Variants in SPATA17 observed in about 807,000 individuals in gnomAD.
The protein encoded by SPATA17 is spermatogenesis-associated protein 17.
A neutral mutation model predicts 62.2 loss-of-function variants in SPATA17; 53 were observed. That is an observed-to-expected ratio of 0.85 (90% CI 0.68 to 1.07). The LOEUF is 1.07. Among genes scored for constraint, SPATA17 ranks in the 50% least tolerant of loss-of-function variants. SPATA17 has a pLI of 0.00. For synonymous variants in SPATA17, 146 were observed against 146.8 expected (o/e 0.99, Z 0.04); for missense variants, 466 against 425.5 (o/e 1.10, Z -0.84).
At chr1:217,851,270 CA>C (rs553527604) in intron 9 of SPATA17, among the ~76,000 whole-genome samples, 1 of 151,346 alleles carries the variant, frequency 6.6e-6, no homozygotes, top group Non-Finnish European at 1.5e-5. Flanking sequence ...CCTATAATTA[CA>C]AAAAAAAGTT....
chr1:217,773,529 C>G (rs1673507658), intron 6 of SPATA17, among the ~76,000 whole-genome samples: 3 of 152,016 alleles, frequency 2.0e-5, no homozygotes, highest in African/African-American at 7.2e-5. Flanking sequence ...TTTGTATATT[C>G]AAACAACATT....
chr1:217,632,816 G>A (rs1229608234), intron 1 of SPATA17, among the ~76,000 whole-genome samples: 1 of 152,182 alleles, frequency 6.6e-6, no homozygotes, highest in Non-Finnish European at 1.5e-5. Context: ...TATGTGGCAG[G>A]TGCTGTATTT....
intron 9 of SPATA17, among the ~76,000 whole-genome samples, chr1:217,854,453 A>G (rs1248615064): frequency 2.0e-5 from 3 of 152,144 alleles, no homozygotes; most frequent in Non-Finnish European, 4.4e-5. Context: ...CTCTCAAAAT[A>G]GGGTCACTCT....
chr1:217,830,039 T>C lies in SPATA17; in HGVS notation c.1005+28189T>C, dbSNP rs549459151. 3.9e-5 allele frequency among the ~76,000 whole-genome samples: 6 copies of C among 152,202 alleles called. No individual in the cohort carries two copies. In the East Asian group the frequency reaches 1.2e-3, roughly 29 times the overall value. The stretch of plus-strand genomic sequence containing the variant: ...CTAAACTAATGTTGTAAACCTCAAA[T>C]ATACACAATAAAATTTATTCAAAAA... On this transcript the variant is annotated intron_variant, in intron 9 of 10. Transcript: ENST00000366933.
intron 5 of SPATA17, among the ~76,000 whole-genome samples, chr1:217,705,430 CTTTTTTTTTTTTTTTTTT>C (rs58138326): frequency 2.1e-5 from 1 of 46,606 alleles, no homozygotes; most frequent in Non-Finnish European, 3.6e-5. Context: ...TTCTAGTTGT[CTTTTTTTTTTTTTTTTTT>C]TTTTTTTTTT....
intron 9 of SPATA17, among the ~76,000 whole-genome samples, chr1:217,845,734 T>C (rs1675509623): frequency 6.6e-6 from 1 of 152,128 alleles, no homozygotes; most frequent in South Asian, 2.1e-4. Flanking sequence ...AGCAGTTTAC[T>C]TAGACTAAGA....
chr1:217,728,087 A>T (rs1022041626), intron 5 of SPATA17, among the ~76,000 whole-genome samples: 1 of 152,202 alleles, frequency 6.6e-6, no homozygotes, highest in Non-Finnish European at 1.5e-5. Flanking sequence ...AATTCAACTT[A>T]TAAGAAATAA....
At chr1:217,840,020 T>A (rs775877591) in intron 9 of SPATA17, among the ~76,000 whole-genome samples, 2 of 152,000 alleles carry the variant, frequency 1.3e-5, no homozygotes, top group African/African-American at 2.4e-5. Flanking sequence ...AAAAAAGGAA[T>A]CAGTCATTTT....
intron 7 of SPATA17, 95 bp downstream of exon 7, chr1:217,774,632 A>G (rs769804212): frequency 1.6e-5 from 16 of 1,030,160 alleles, no homozygotes; most frequent in Non-Finnish European, 2.3e-5. Context: ...ACCATTTTTA[A>G]TTATATAGTT....
At chr1:217,736,884 G>GGCCAC (rs1672519360) in intron 5 of SPATA17, among the ~76,000 whole-genome samples, 1 of 152,164 alleles carries the variant, frequency 6.6e-6, no homozygotes, top group Non-Finnish European at 1.5e-5. Flanking sequence ...TGTATTTCAT[G>GGCCAC]GCCACACAGA....
intron 9 of SPATA17, among the ~76,000 whole-genome samples, chr1:217,844,162 G>A (rs138179071): frequency 0.014 from 2,165 of 152,142 alleles, 117 homozygotes; most frequent in Admixed American, 0.11. Context: ...GCCTCAAATC[G>A]TACATAGTGA....
chr1:217,772,352 G>A (rs1242810293), intron 6 of SPATA17, among the ~76,000 whole-genome samples: 1 of 151,960 alleles, frequency 6.6e-6, no homozygotes, highest in African/African-American at 2.4e-5. Flanking sequence ...AATTGTAATA[G>A]AGAATAAATC....
intron 8 of SPATA17, among the ~76,000 whole-genome samples, chr1:217,791,321 T>A (rs957787927): frequency 6.6e-6 from 1 of 152,170 alleles, no homozygotes; most frequent in African/African-American, 2.4e-5. Flanking sequence ...CCAGTGGAAA[T>A]TTACAAAGTG....
At chr1:217,650,223 GC>G (rs1670279135) in intron 2 of SPATA17, among the ~76,000 whole-genome samples, 2 of 152,056 alleles carry the variant, frequency 1.3e-5, no homozygotes, top group Non-Finnish European at 2.9e-5. Context: ...ACAGGCATGA[GC>G]CACGGCGCCT....
intron 9 of SPATA17, among the ~76,000 whole-genome samples, chr1:217,855,897 T>G (rs981790887): frequency 6.6e-6 from 1 of 151,894 alleles, no homozygotes; most frequent in African/African-American, 2.4e-5. Context: ...CAGCTAATTT[T>G]TGTATTTTTA....
rs933840279 is a variant in SPATA17, at chr1:217,655,781, G to C, written c.240+4603G>C. Among the ~76,000 whole-genome samples, 19 of 151,946 alleles carry C rather than the reference G, an allele frequency of 1.3e-4. 1 individual carries two copies. Among genetic ancestry groups the C allele is most frequent in the Admixed American group, 3.9e-4 (6 of 15,254 alleles). ...TGGTTTGGTGCTCAAATAGTCCTTCGTTTTCTCACTAGGAGCTTCTTCAAA... is the reference window on the plus strand; with the variant it reads ...TGGTTTGGTGCTCAAATAGTCCTTCCTTTTCTCACTAGGAGCTTCTTCAAA... On this transcript the variant is annotated intron_variant, in intron 3 of 10. Coordinates refer to ENST00000366933, the MANE Select transcript of SPATA17 (RefSeq NM_138796.4).
intron 8 of SPATA17, among the ~76,000 whole-genome samples, chr1:217,793,747 A>T (rs890682732): frequency 6.6e-6 from 1 of 152,134 alleles, no homozygotes; most frequent in Non-Finnish European, 1.5e-5. Flanking sequence ...GAGAACCAGG[A>T]GCGATTGTGC....
intron 5 of SPATA17, among the ~76,000 whole-genome samples, chr1:217,708,607 C>T (rs1051193372): frequency 6.6e-6 from 1 of 151,904 alleles, no homozygotes; most frequent in African/African-American, 2.4e-5. Context: ...GATTTATTGC[C>T]GAATTTGATC....
chr1:217,792,150 G>A (rs375175551), intron 8 of SPATA17, among the ~76,000 whole-genome samples: 18 of 152,112 alleles, frequency 1.2e-4, no homozygotes, highest in Non-Finnish European at 2.5e-4. Flanking sequence ...GGCCCACGGC[G>A]CATGGGTTAG....
Sources: allele counts gnomAD v4.1 joint callset (sites outside exome capture counted in the v4.1 genomes callset), GRCh38; gene constraint gnomAD v4.1.1; transcripts MANE v1.5; gene names NCBI Gene and HGNC (gene_info 2026-07-23, HGNC 2026-07-21).